NME7: variants seen among roughly 807,000 people sequenced by gnomAD.
NME7 encodes the protein NME/NM23 family member 7.
NME7 carries 41 observed loss-of-function variants against 49.1 expected under a neutral mutation model. That is an observed-to-expected ratio of 0.83 (90% confidence interval 0.65 to 1.08). NME7 has a LOEUF of 1.08. Ranked by LOEUF, NME7 falls within the 50% of genes least tolerant of loss-of-function variation. The pLI is 0.00. For missense variants in NME7, 423 were observed against 463.4 expected (o/e 0.91, Z 0.80); for synonymous variants, 139 against 150.6 (o/e 0.92, Z 0.56).
chr1:169,232,883 CTTT>C (rs1381809251), intron 9 of NME7, among the ~76,000 whole-genome samples: 71 of 119,796 alleles, frequency 5.9e-4, no homozygotes, highest in African/African-American at 2.0e-3. Flanking sequence ...CTTTATTTTT[CTTT>C]TTTTTCCTTT....
chr1:169,193,953 C>T (rs1206582881), intron 10 of NME7, among the ~76,000 whole-genome samples: 1 of 150,458 alleles, frequency 6.6e-6, no homozygotes, highest in East Asian at 2.0e-4. Flanking sequence ...AAAAAAATCA[C>T]TAGGGAAGAA....
intron 1 of NME7, among the ~76,000 whole-genome samples, chr1:169,363,742 T>C (rs1318821624): frequency 6.6e-6 from 1 of 152,210 alleles, no homozygotes; most frequent in Non-Finnish European, 1.5e-5. Flanking sequence ...CCTGGACTCC[T>C]CCAGATCACT....
At chr1:169,133,076 T>TAGAC (rs1432580909) in intron 11 of NME7, among the ~76,000 whole-genome samples, 2 of 151,272 alleles carry the variant, frequency 1.3e-5, no homozygotes, top group Non-Finnish European at 2.9e-5. Context: ...ATTGCTTCAC[T>TAGAC]AGACATATGT....
At chr1:169,313,655 A>G (rs1163299271) in intron 3 of NME7, among the ~76,000 whole-genome samples, 1 of 152,152 alleles carries the variant, frequency 6.6e-6, no homozygotes, top group Non-Finnish European at 1.5e-5. Flanking sequence ...TGGCAATCAT[A>G]TAGAAAGATA....
chr1:169,234,581 C>T (rs2101824750), intron 9 of NME7, among the ~76,000 whole-genome samples: 1 of 151,990 alleles, frequency 6.6e-6, no homozygotes, highest in East Asian at 1.9e-4. Flanking sequence ...ATTTAATTCC[C>T]ACAACAATCT....
rs779696191 is a variant in NME7 at position 169,148,910 on chromosome 1, C to T, written c.1099-16093G>A. 4.6e-4 allele frequency among the ~76,000 whole-genome samples: 70 copies of T among 152,186 alleles called. 1 individual carries two copies. The highest frequency in any genetic ancestry group is 1.5e-4 in the Non-Finnish European group (10 of 68,020). On this transcript the variant is annotated intron_variant, in intron 11 of 11. Coordinates refer to ENST00000367811, the MANE Select transcript of NME7 (RefSeq NM_013330.5). ...GTACCCATACATGTATTGTCCTTGGCATCTTTTCTCAGTTTTCTCTTTCAC... is the reference window on the plus strand; with the variant it reads ...GTACCCATACATGTATTGTCCTTGGTATCTTTTCTCAGTTTTCTCTTTCAC...
rs187396504 is a variant in NME7 at position 169,237,654 on chromosome 1, T to A, written c.788A>T (p.Asp263Val). 2.5e-5 allele frequency: 40 copies of A among 1,611,388 alleles called. No individual in the cohort carries two copies. The East Asian group carries it at 8.5e-4, about 34-fold the overall frequency. Residue 263 changes from aspartate to valine, a missense_variant, in exon 8 of 12, where the codon GAT (aspartate) becomes GTT (valine). Coordinates refer to ENST00000367811, the MANE Select transcript of NME7 (RefSeq NM_013330.5). Reference protein sequence around the residue: ...LLGKILMAIRDAGFEISAMQM... With the variant: ...LLGKILMAIRVAGFEISAMQM... ...CATAGCTGAGATTTCAAAACCTGCA[T>A]CTCGGATAGCCATCAGGATCTTTCC...
rs560506258 is a variant in NME7, at chr1:169,158,550, G to A, written c.1098+10897C>T. Among the ~76,000 whole-genome samples, 3 of 152,026 alleles carry A rather than the reference G, an allele frequency of 2.0e-5. 1 individual carries two copies. The highest frequency in any genetic ancestry group is 4.4e-5 in the Non-Finnish European group (3 of 68,020). ...GGGCTCTACTCTATAGATATAAGGA[G>A]CTCATACCAGACCTCCTTAACCAGA... On this transcript the variant is annotated intron_variant, in intron 11 of 11. Coordinates refer to ENST00000367811, the MANE Select transcript of NME7 (RefSeq NM_013330.5).
chr1:169,246,336 G>A (rs72637228), intron 7 of NME7, among the ~76,000 whole-genome samples: 10,626 of 152,022 alleles, frequency 0.07, 1,474 homozygotes, highest in East Asian at 0.66. Context: ...AAATAAATAA[G>A]AGTTTGGATT....
chr1:169,281,219 C>G (rs1351102716), intron 7 of NME7, among the ~76,000 whole-genome samples: 3 of 152,062 alleles, frequency 2.0e-5, no homozygotes, highest in African/African-American at 7.2e-5. Flanking sequence ...TTAGTAGCAA[C>G]TGTGAATGGG....
chr1:169,154,471 G>T (rs116351375), intron 11 of NME7, among the ~76,000 whole-genome samples: 2,594 of 151,994 alleles, frequency 0.017, 69 homozygotes, highest in African/African-American at 0.057. Context: ...TTACATTGAA[G>T]AACTCAATAT....
intron 7 of NME7, chr1:169,285,666 T>C (rs1360854240): frequency 6.6e-6 from 1 of 152,124 alleles, no homozygotes; most frequent in Non-Finnish European, 1.5e-5. Flanking sequence ...AGCAACAAAT[T>C]TACCTACTTG....
intron 4 of NME7, among the ~76,000 whole-genome samples, chr1:169,306,042 G>A (rs1297120652): frequency 6.6e-6 from 1 of 152,194 alleles, no homozygotes; most frequent in Non-Finnish European, 1.5e-5. Context: ...ACGATGAATA[G>A]GAATGGATGA....
chr1:169,342,727 GTA>G (rs1184547373), intron 1 of NME7, among the ~76,000 whole-genome samples: 1 of 30,082 alleles, frequency 3.3e-5, no homozygotes, highest in Non-Finnish European at 5.2e-5. Context: ...TATATATATA[GTA>G]TATATATATA....
intron 10 of NME7, among the ~76,000 whole-genome samples, chr1:169,185,393 G>T (rs966133670): frequency 2.6e-5 from 4 of 152,148 alleles, no homozygotes; most frequent in African/African-American, 9.7e-5. Context: ...ATACATATTT[G>T]TCATAACAGT....
At chr1:169,185,794 G>T (rs146135114) in intron 10 of NME7, among the ~76,000 whole-genome samples, 175 of 152,138 alleles carry the variant, frequency 1.2e-3, no homozygotes, top group African/African-American at 4.0e-3. Flanking sequence ...AATAGGTGTC[G>T]AATTGTTCAA....
chr1:169,298,105 TAAG>T (rs1248700417), intron 6 of NME7, among the ~76,000 whole-genome samples: 3 of 152,146 alleles, frequency 2.0e-5, no homozygotes, highest in African/African-American at 7.2e-5. Flanking sequence ...GATTTAAAAA[TAAG>T]GAGTAGAGAA....
chr1:169,231,588 C>T lies in NME7; in HGVS notation c.889-769G>A, dbSNP rs187159917. Reference sequence around the variant, plus strand: ...TGAGTCTTTGGCTACTAATCTGTCACATGTGTACAGCAAACTACTTGAGGC... The same window carrying T: ...TGAGTCTTTGGCTACTAATCTGTCATATGTGTACAGCAAACTACTTGAGGC... On this transcript the variant is annotated intron_variant, in intron 9 of 11. Coordinates refer to ENST00000367811, the MANE Select transcript of NME7 (RefSeq NM_013330.5). Among the ~76,000 whole-genome samples the T allele has an allele frequency of 1.8e-4, 27 of 152,318 alleles. No homozygotes were observed. The East Asian group carries it at 5.0e-3, about 28-fold the overall frequency.
intron 3 of NME7, among the ~76,000 whole-genome samples, chr1:169,316,747 T>C (rs1651644240): frequency 6.6e-6 from 1 of 152,154 alleles, no homozygotes; most frequent in East Asian, 1.9e-4. Context: ...CTTCAAGATG[T>C]TGGAATGTGC....
Sources: gnomAD v4.1 joint callset for allele counts (sites outside exome capture counted in the v4.1 genomes callset) on GRCh38, gnomAD v4.1.1 for gene constraint, MANE v1.5 for transcripts, NCBI Gene and HGNC (gene_info 2026-07-23, HGNC 2026-07-21) for gene names.